Variants in LDAH observed in about 807,000 individuals in gnomAD.
The protein encoded by LDAH is lipid droplet-associated hydrolase.
LDAH carries 26 observed loss-of-function variants against 29.6 expected under a neutral mutation model. The ratio of observed to expected loss-of-function variants is 0.88; its 90% confidence interval spans 0.64 to 1.22. The LOEUF (loss-of-function observed/expected upper bound fraction) is 1.22. LDAH is among the 50% of genes most tolerant of loss of function. The pLI is 0.00. For synonymous variants in LDAH, 117 were observed against 133.0 expected, an observed-to-expected ratio of 0.88 and a Z score of 0.83; for missense variants, 344 against 387.3, an observed-to-expected ratio of 0.89 and a Z score of 0.94.
At chr2:20,808,636 C>T (rs1179573254) in intron 1 of LDAH, among the ~76,000 whole-genome samples, 1 of 140,396 alleles carries the variant, frequency 7.1e-6, no homozygotes, top group African/African-American at 2.7e-5. Context: ...CCAGCCTGCG[C>T]GATAGAGAGA....
chr2:20,807,040 CAAGAA>C (rs1468006306), intron 1 of LDAH, among the ~76,000 whole-genome samples: 4 of 151,790 alleles, frequency 2.6e-5, no homozygotes, highest in Non-Finnish European at 5.9e-5. Flanking sequence ...CTTGACTTCT[CAAGAA>C]AAGAGATGGT....
chr2:20,731,188 C>T (rs1484468312), intron 5 of LDAH, among the ~76,000 whole-genome samples: 1 of 152,198 alleles, frequency 6.6e-6, no homozygotes, highest in Non-Finnish European at 1.5e-5. Context: ...ATCTCATGTC[C>T]TCAATGTAAT....
intron 5 of LDAH, among the ~76,000 whole-genome samples, chr2:20,732,902 T>C (rs1211154355): frequency 2.0e-5 from 2 of 100,834 alleles, no homozygotes; most frequent in Non-Finnish European, 4.8e-5. Flanking sequence ...AGGGTCTCAC[T>C]ATGTCGCCTA....
At chr2:20,700,737 C>G (rs1230282304) in intron 6 of LDAH, among the ~76,000 whole-genome samples, 1 of 152,128 alleles carries the variant, frequency 6.6e-6, no homozygotes, top group Non-Finnish European at 1.5e-5. Context: ...GGTGAAATTA[C>G]TTTTAATAAT....
intron 5 of LDAH, among the ~76,000 whole-genome samples, chr2:20,737,849 T>C (rs1399107613): frequency 6.6e-6 from 1 of 152,134 alleles, no homozygotes; most frequent in African/African-American, 2.4e-5. Context: ...TGTTTAAAGT[T>C]AAGGGAACAA....
intron 6 of LDAH, among the ~76,000 whole-genome samples, chr2:20,687,383 T>C (rs900316674): frequency 1.5e-4 from 23 of 152,288 alleles, no homozygotes; most frequent in Admixed American, 5.9e-4. Flanking sequence ...TGTACTAAGG[T>C]TGGGATGGAC....
chr2:20,732,201 C>T (rs112935679), intron 5 of LDAH, among the ~76,000 whole-genome samples: 5,000 of 152,116 alleles, frequency 0.033, 257 homozygotes, highest in African/African-American at 0.11. Context: ...TTTTGAATAT[C>T]ATACTAGCCT....
chr2:20,814,901 G>A (rs571566), intron 1 of LDAH, among the ~76,000 whole-genome samples: 12,289 of 151,970 alleles, frequency 0.081, 1,641 homozygotes, highest in African/African-American at 0.28. Context: ...CCTGTAACAA[G>A]GAATTACCTG....
At position 20,751,346 on chromosome 2, in the gene LDAH, A is replaced by G. The variant is rs180832564; in HGVS notation, c.469-11141T>C. On this transcript the variant is annotated intron_variant, in intron 4 of 6. Transcript: ENST00000237822. The stretch of plus-strand genomic sequence containing the variant: ...GAAAGATGCACATTCTGTTAGGGAC[A>G]GTACCCTGTGACTGGTTCCAGTTAG... 2.0e-5 allele frequency among the ~76,000 whole-genome samples: 3 copies of G among 152,332 alleles called. No homozygotes were observed. In the East Asian group the frequency reaches 5.8e-4, roughly 29 times the overall value.
intron 2 of LDAH, among the ~76,000 whole-genome samples, chr2:20,794,099 C>T (rs972644888): frequency 1.1e-4 from 16 of 152,126 alleles, no homozygotes; most frequent in Non-Finnish European, 1.5e-4. Context: ...GGACACTTCA[C>T]AATCATGGTG....
chr2:20,751,198 T>G (rs141112988), intron 4 of LDAH, among the ~76,000 whole-genome samples: 2,424 of 152,320 alleles, frequency 0.016, 56 homozygotes, highest in African/African-American at 0.054. Flanking sequence ...TATAATATTC[T>G]CAATTAAGTT....
At chr2:20,811,728 C>T (rs977781127) in intron 1 of LDAH, among the ~76,000 whole-genome samples, 2 of 152,090 alleles carry the variant, frequency 1.3e-5, no homozygotes, top group Non-Finnish European at 2.9e-5. Context: ...TCGTGATCCA[C>T]CCCTCTCGGC....
intron 1 of LDAH, among the ~76,000 whole-genome samples, chr2:20,820,583 T>A (rs1366942270): frequency 6.6e-6 from 1 of 151,804 alleles, no homozygotes; most frequent in Non-Finnish European, 1.5e-5. Context: ...TGAAACTGGA[T>A]CCCTTCCTTA....
chr2:20,782,377 A>G (rs1394840837), intron 3 of LDAH, among the ~76,000 whole-genome samples: 1 of 152,212 alleles, frequency 6.6e-6, no homozygotes, highest in Non-Finnish European at 1.5e-5. Context: ...ATGACTTAAG[A>G]TAGCTCACTT....
chr2:20,727,745 C>T (rs1296170177), intron 5 of LDAH, among the ~76,000 whole-genome samples: 2 of 151,942 alleles, frequency 1.3e-5, no homozygotes, highest in Non-Finnish European at 2.9e-5. Context: ...GGAAGAACAT[C>T]TAAAGAAAAT....
intron 1 of LDAH, among the ~76,000 whole-genome samples, chr2:20,819,938 G>A (rs1379230139): frequency 3.9e-5 from 6 of 152,030 alleles, no homozygotes; most frequent in Non-Finnish European, 7.4e-5. Context: ...AAATCAATGT[G>A]CAAAAATCAC....
At chr2:20,707,476 C>T (rs919437241) in intron 5 of LDAH, among the ~76,000 whole-genome samples, 3 of 152,168 alleles carry the variant, frequency 2.0e-5, no homozygotes, top group Admixed American at 6.5e-5. Context: ...CTGATTAAAA[C>T]AATGCATTTG....
At chr2:20,784,948 C>T (rs893092052) in intron 3 of LDAH, among the ~76,000 whole-genome samples, 11 of 152,040 alleles carry the variant, frequency 7.2e-5, no homozygotes, top group African/African-American at 2.4e-4. Flanking sequence ...ACCATTTCAC[C>T]GTTAGTCCAG....
In LDAH at chr2:20,698,198, T is replaced by C. The variant is rs540225904; in HGVS notation, c.786+3372A>G. 1.3e-5 allele frequency among the ~76,000 whole-genome samples: 2 copies of C among 152,350 alleles called. No homozygotes were observed. Among genetic ancestry groups the C allele is most frequent in the East Asian group, 1.9e-4 (1 of 5,192 alleles). The stretch of plus-strand genomic sequence containing the variant: ...CTGACTGTTTACCAGGTATGAATTA[T>C]GCTAGGCCCTAGGGGACATCAAGAC... On this transcript the variant is annotated intron_variant, in intron 6 of 6. Coordinates refer to ENST00000237822, the MANE Select transcript of LDAH (RefSeq NM_021925.4). The surrounding 1 kb of genome is among the most constrained non-coding windows in gnomAD (Gnocchi z 4.4).
Sources: gnomAD v4.1 joint callset for allele counts (sites outside exome capture counted in the v4.1 genomes callset) on GRCh38, gnomAD v4.1.1 for gene constraint, Gnocchi (gnomAD v3.1) non-coding constraint, MANE v1.5 for transcripts, NCBI Gene and HGNC (gene_info 2026-07-23, HGNC 2026-07-21) for gene names.